Variants in ZFYVE26 observed in about 807,000 individuals in gnomAD.
ZFYVE26 encodes zinc finger FYVE domain-containing protein 26.
Under a neutral mutation model 276.5 loss-of-function variants are expected in ZFYVE26, and 181 were observed. The observed-to-expected ratio is 0.65, with a 90% CI of 0.58 to 0.74. The LOEUF (loss-of-function observed/expected upper bound fraction) is 0.74, where lower values mean the gene tolerates loss of function less well. Among genes scored for constraint, ZFYVE26 ranks in the 30% least tolerant of loss-of-function variants. The probability of loss-of-function intolerance (pLI) is 0.00; values close to 1 mark genes in which losing one functional copy is unlikely to be tolerated. For synonymous variants in ZFYVE26, 1,129 were observed against 1,203.1 expected (o/e 0.94, Z 1.27); for missense variants, 2,821 against 3,097.9 (o/e 0.91, Z 2.12).
intron 16 of ZFYVE26, among the ~76,000 whole-genome samples, chr14:67,787,246 G>T (rs563614572): frequency 2.0e-5 from 3 of 152,080 alleles, no homozygotes; most frequent in South Asian, 2.1e-4. Context: ...GCGGGGTTGT[G>T]GGGGAGGGCT....
chr14:67,801,958 G>T, intron 10 of ZFYVE26, 121 bp downstream of exon 10: 1 of 1,098,526 alleles, frequency 9.1e-7, no homozygotes, highest in Non-Finnish European at 1.4e-6. Context: ...CTATCCCTGG[G>T]TGAAATAAAA....
At chr14:67,797,964 T>C in intron 11 of ZFYVE26, 50 bp downstream of exon 11, 1 of 1,612,870 alleles carries the variant, frequency 6.2e-7, no homozygotes, top group South Asian at 1.1e-5. Flanking sequence ...ATTCCTGGGA[T>C]CTTTCTCCCT....
intron 19 of ZFYVE26, among the ~76,000 whole-genome samples, chr14:67,784,785 G>T (rs189476929): frequency 6.7e-6 from 1 of 149,844 alleles, no homozygotes; most frequent in Non-Finnish European, 1.5e-5. Context: ...CCTCTGCTGG[G>T]TGCTCAAATT....
intron 14 of ZFYVE26, among the ~76,000 whole-genome samples, 195 bp downstream of exon 14, chr14:67,793,413 A>G (rs1458618885): frequency 6.6e-6 from 1 of 152,098 alleles, no homozygotes; most frequent in East Asian, 1.9e-4. Context: ...TATGTTAAGA[A>G]CCACAAACAA....
In ZFYVE26 at chr14:67,755,981, G is replaced by A; in HGVS notation, c.6753C>T (p.Tyr2251=). The A allele has an allele frequency of 6.2e-7, 1 of 1,614,244 alleles. No individual in the cohort carries two copies. The highest frequency in any genetic ancestry group is 8.5e-7 in the Non-Finnish European group (1 of 1,180,040). ...ACTGCTGCAGCTCATACAGAATGTG[G>A]TAGTAGTTCTTCTTCTGTAAATGTT... The part of the protein sequence containing the change: ...ACQHLQKKNY[Y]HILYELQQFM... The change falls in exon 36 of 42, where the codon TAC becomes TAT. Residue 2251 remains tyrosine (Y), a synonymous_variant. Coordinates refer to ENST00000347230, the MANE Select transcript of ZFYVE26 (RefSeq NM_015346.4).
chr14:67,784,485 G>A (rs2039597528), intron 19 of ZFYVE26, 49 bp from the exon 20 acceptor site: 2 of 1,527,038 alleles, frequency 1.3e-6, no homozygotes, highest in Admixed American at 1.7e-5. Context: ...GACTGCAAGA[G>A]TTCAGAGCCC....
chr14:67,802,007 G>A (rs1185316795), intron 10 of ZFYVE26, 72 bp downstream of exon 10: 7 of 1,550,396 alleles, frequency 4.5e-6, no homozygotes, highest in Non-Finnish European at 6.2e-6. Flanking sequence ...GGTGGAAGAG[G>A]GTAAACACAC....
At chr14:67,754,909 A>G in intron 37 of ZFYVE26, 142 bp downstream of exon 37, 1 of 957,016 alleles carries the variant, frequency 1.0e-6, no homozygotes, top group Non-Finnish European at 1.7e-6. Context: ...CTAGGCTTGT[A>G]CTACACACTG....
In ZFYVE26 at chr14:67,788,971, CA is replaced by C. The variant is rs1177416303; in HGVS notation, c.3019+363del. Among the ~76,000 whole-genome samples, 2 of 152,320 alleles carry C rather than the reference CA, an allele frequency of 1.3e-5. 1 individual carries two copies. The highest frequency in any genetic ancestry group is 3.9e-4 in the East Asian group (2 of 5,184). On this transcript the variant is annotated intron_variant, in intron 16 of 41. Coordinates refer to ENST00000347230, the MANE Select transcript of ZFYVE26 (RefSeq NM_015346.4). ...TATGATCATCCCTCCAACTGTGACT[CA>C]TTAAGTTTTCCCTTACACCTGGCTT...
chr14:67,815,204 T>G (rs776385117), intron 2 of ZFYVE26, among the ~76,000 whole-genome samples: 2 of 152,174 alleles, frequency 1.3e-5, no homozygotes, highest in Non-Finnish European at 2.9e-5. Context: ...TGAAGGCAGA[T>G]TAAGAAAATG....
Position 67,777,579 on chromosome 14 carries a change from C to T in ZFYVE26, c.4954G>A (p.Ala1652Thr), listed in dbSNP as rs1566878529. 2.5e-6 allele frequency: 4 copies of T among 1,614,022 alleles called. No individual in the cohort carries two copies. Among genetic ancestry groups the T allele is most frequent in the Non-Finnish European group, 2.5e-6 (3 of 1,180,018 alleles). Reference protein sequence around the residue: ...LTAVRHREIQALYVGSKILLT... With the variant: ...LTAVRHREIQTLYVGSKILLT... Reference sequence around the variant, plus strand: ...CTTACCTTGGATCCCACATACAGCGCCTGGATTTCACGGTGTCGGACAGCA... The same window carrying T: ...CTTACCTTGGATCCCACATACAGCGTCTGGATTTCACGGTGTCGGACAGCA... Residue 1652 changes from alanine (A) to threonine (T), a missense_variant, in exon 25 of 42, where the codon GCG becomes ACG. Transcript: ENST00000347230.
rs138074943 is a variant in ZFYVE26, at chr14:67,731,458, G to A, written n.2680-1639C>T. On this transcript the variant is annotated intron_variant and non_coding_transcript_variant, in intron 13 of 14. Transcript: ENST00000394455. ...TTGAACTCCTGACCTCAAGTGATCC[G>A]CCCACCTCAGCCTCCCAAAGTGCTG... Among the ~76,000 whole-genome samples, 1,302 of 151,168 alleles carry A rather than the reference G, an allele frequency of 8.6e-3. 27 individuals are homozygous for A. The highest frequency in any genetic ancestry group is 0.03 in the African/African-American group (1,255 of 41,214).
chr14:67,783,929 T>G (rs1046003861), intron 20 of ZFYVE26, among the ~76,000 whole-genome samples: 8 of 152,214 alleles, frequency 5.3e-5, no homozygotes, highest in Admixed American at 3.3e-4. Context: ...TCCAAAATGG[T>G]TTGCTAAATC....
chr14:67,781,297 A>C, intron 22 of ZFYVE26, 36 bp downstream of exon 22: 2 of 1,611,234 alleles, frequency 1.2e-6, no homozygotes, highest in East Asian at 2.2e-5. Flanking sequence ...TAGAGTGAGA[A>C]GCCCGTTCCC....
At chr14:67,791,815 T>A (rs1390087675) in intron 14 of ZFYVE26, among the ~76,000 whole-genome samples, 1 of 148,828 alleles carries the variant, frequency 6.7e-6, no homozygotes, top group Admixed American at 6.7e-5. Context: ...ATCCCAGCAC[T>A]TCAGGAGGCC....
At chr14:67,762,942 A>T in intron 32 of ZFYVE26, 123 bp from the exon 33 acceptor site, 4 of 1,403,624 alleles carry the variant, frequency 2.8e-6, no homozygotes, top group Non-Finnish European at 3.9e-6. Context: ...TCGTTCTGTC[A>T]CCCAGGCTGG....
chr14:67,778,137 T>C lies in ZFYVE26; in HGVS notation c.4786A>G (p.Lys1596Glu), dbSNP rs376809278. The change falls in exon 24 of 42, where the codon AAG (lysine) becomes GAG (glutamate). Residue 1596 changes from lysine (K) to glutamate (E), a missense_variant. By Grantham distance (56) the Lys-to-Glu change is moderately conservative. Transcript: ENST00000347230. ...LHLLERRDHD[K>E]ALQLLRRIPD... ...AACTGGGGGCTTACTTGCAGAGCCT[T>C]GTCATGATCTCTTCTTTCTAGAAGG... 3.7e-6 allele frequency: 6 copies of C among 1,614,180 alleles called. No homozygotes were observed. Among genetic ancestry groups the C allele is most frequent in the South Asian group, 1.1e-5 (1 of 91,086 alleles).
chr14:67,805,642 T>C (rs372543210), intron 6 of ZFYVE26, 24 bp from the exon 7 acceptor site: 11 of 1,611,512 alleles, frequency 6.8e-6, no homozygotes, highest in African/African-American at 5.3e-5. Flanking sequence ...AAAGCTGTTA[T>C]AGGCAGCTAT....
Position 67,761,595 on chromosome 14 carries a change from A to G in ZFYVE26, c.6370-11T>C. ...GTAATCGTCATCTTGCTGACAGCAC[A>G]GGGAGCGAGAGAGAAAAATGAAACT... On this transcript the variant is annotated splice_polypyrimidine_tract_variant and intron_variant, in intron 34 of 41. Coordinates refer to ENST00000347230, the MANE Select transcript of ZFYVE26 (RefSeq NM_015346.4). 1 of 1,612,390 alleles carries G rather than the reference A, an allele frequency of 6.2e-7. No individual in the cohort carries two copies. Among genetic ancestry groups the G allele is most frequent in the Non-Finnish European group, 8.5e-7 (1 of 1,179,010 alleles).
Sources: allele counts gnomAD v4.1 joint callset (sites outside exome capture counted in the v4.1 genomes callset), GRCh38; gene constraint gnomAD v4.1.1; transcripts MANE v1.5; gene names NCBI Gene and HGNC (gene_info 2026-07-23, HGNC 2026-07-21).